Variants in PPP1R9A observed in about 807,000 individuals in gnomAD.
PPP1R9A encodes the protein neurabin-1.
In PPP1R9A, 59 loss-of-function variants were observed where a neutral mutation model predicts 141.9. The observed-to-expected ratio is 0.42, with a 90% CI of 0.34 to 0.52. The LOEUF (loss-of-function observed/expected upper bound fraction) is 0.52, where lower values mean the gene tolerates loss of function less well. PPP1R9A is among the 20% of genes least tolerant of loss of function. The pLI, the probability that PPP1R9A is intolerant of heterozygous loss-of-function variation, is 0.10. For missense variants in PPP1R9A, 1,444 were observed against 1,611.9 expected (o/e 0.90, Z 1.78); for synonymous variants, 500 against 569.7 (o/e 0.88, Z 1.74).
rs571531686 is a variant in PPP1R9A at position 95,257,686 on chromosome 7, GCCC to G, written c.2665+5558_2665+5560del. 2.6e-4 allele frequency among the ~76,000 whole-genome samples: 40 copies of G among 151,906 alleles called. No individual in the cohort carries two copies. In the East Asian group the frequency reaches 7.6e-3, roughly 29 times the overall value. ...CCCTGCTCCCCCCACCCCACAACAG[GCCC>G]CTATGTGTGATGTTCCCCTTCCTGT... is the stretch of plus-strand genomic sequence containing the variant. On this transcript the variant is annotated intron_variant, in intron 12 of 19. Transcript: ENST00000433360.
At chr7:95,249,392 T>C (rs1798568367) in intron 9 of PPP1R9A, among the ~76,000 whole-genome samples, 1 of 152,138 alleles carries the variant, frequency 6.6e-6, no homozygotes, top group South Asian at 2.1e-4. Flanking sequence ...GTGGTTAATG[T>C]TTATCAGATG....
At chr7:94,939,766 T>TTATATATATA (rs376392944) in intron 2 of PPP1R9A, among the ~76,000 whole-genome samples, 16 of 145,762 alleles carry the variant, frequency 1.1e-4, no homozygotes, top group African/African-American at 4.0e-4. Context: ...AGGGACAAGA[T>TTATATATATA]TATATATATA....
chr7:94,935,449 T>G (rs1794668111), intron 2 of PPP1R9A, among the ~76,000 whole-genome samples: 1 of 152,188 alleles, frequency 6.6e-6, no homozygotes, highest in African/African-American at 2.4e-5. Flanking sequence ...CCATGCCCCC[T>G]TCTTAGAAAA....
intron 5 of PPP1R9A, among the ~76,000 whole-genome samples, chr7:95,192,770 A>G (rs767042084): frequency 2.6e-5 from 4 of 152,080 alleles, no homozygotes; most frequent in Non-Finnish European, 5.9e-5. Context: ...CCTAAGTTGT[A>G]CTATCATAGC....
Position 95,295,965 on chromosome 7 carries a change from T to C in PPP1R9A, c.*5662T>C, listed in dbSNP as rs1003334622. The stretch of plus-strand genomic sequence containing the variant: ...CACCTTACTGACAAAACTGGGCAGC[T>C]GAAAATAAAAGAGAATAAATTCTAT... On this transcript the variant is annotated 3_prime_UTR_variant, in exon 20 of 20. Coordinates refer to ENST00000433360, the MANE Select transcript of PPP1R9A (RefSeq NM_001166160.2). 2.6e-5 allele frequency: 4 copies of C among 152,656 alleles called. No homozygotes were observed. The highest frequency in any genetic ancestry group is 4.4e-5 in the Non-Finnish European group (3 of 68,042). 9.5% of individuals were successfully genotyped at this position (152,656 alleles called of 1,614,324 possible). A position where few individuals can be genotyped will look rare whatever the true frequency, so the allele number is the denominator to read the frequency against.
At chr7:95,203,220 T>C (rs1789966778) in intron 6 of PPP1R9A, among the ~76,000 whole-genome samples, 3 of 152,012 alleles carry the variant, frequency 2.0e-5, no homozygotes, top group Non-Finnish European at 4.4e-5. Context: ...CCCTCATGGG[T>C]ATGGTTTTTT....
chr7:95,120,655 G>T, intron 3 of PPP1R9A, 57 bp from the exon 4 acceptor site: 1 of 1,575,186 alleles, frequency 6.3e-7, no homozygotes. Context: ...CCAGCTAATT[G>T]CAGACTAGTG....
At chr7:94,985,024 T>C (rs1327129044) in intron 2 of PPP1R9A, among the ~76,000 whole-genome samples, 1 of 152,206 alleles carries the variant, frequency 6.6e-6, no homozygotes, top group African/African-American at 2.4e-5. Context: ...GAAATTCTGG[T>C]ATGTTGTGTC....
At chr7:95,138,154 G>A (rs1251970032) in intron 4 of PPP1R9A, among the ~76,000 whole-genome samples, 2 of 151,898 alleles carry the variant, frequency 1.3e-5, no homozygotes, top group African/African-American at 2.4e-5. Flanking sequence ...GGATGGTCTC[G>A]ATCTCCTGAC....
chr7:95,285,249 T>C (rs1172918821), intron 17 of PPP1R9A, among the ~76,000 whole-genome samples: 1 of 152,208 alleles, frequency 6.6e-6, no homozygotes, highest in Non-Finnish European at 1.5e-5. Context: ...CCTAAGGAAA[T>C]GCAATAGAAA....
chr7:95,103,380 T>TTTTTTTTTTTTTTTTTTTTG (rs1819068733), intron 2 of PPP1R9A, among the ~76,000 whole-genome samples: 1 of 143,694 alleles, frequency 7.0e-6, no homozygotes. Flanking sequence ...TTTTTTTTTT[T>TTTTTTTTTTTTTTTTTTTTG]GAGACAGTCT....
intron 2 of PPP1R9A, among the ~76,000 whole-genome samples, chr7:95,074,323 G>A (rs766288778): frequency 6.6e-5 from 10 of 152,042 alleles, no homozygotes; most frequent in Admixed American, 1.3e-4. Flanking sequence ...ACAAGCCATC[G>A]TGTTATTTCC....
intron 2 of PPP1R9A, among the ~76,000 whole-genome samples, chr7:94,957,357 T>G (rs756889539): frequency 6.6e-6 from 1 of 152,088 alleles, no homozygotes; most frequent in Non-Finnish European, 1.5e-5. Flanking sequence ...TCAATCCTGT[T>G]AAGATTATTG....
intron 2 of PPP1R9A, among the ~76,000 whole-genome samples, chr7:94,945,353 G>T (rs1795783054): frequency 6.6e-6 from 1 of 152,064 alleles, no homozygotes; most frequent in South Asian, 2.1e-4. Flanking sequence ...TACAGCTAGG[G>T]TTAGGTTATC....
rs11289749 is a variant in PPP1R9A at position 95,051,843 on chromosome 7, ATT to A, written c.1396-59401_1396-59400del. Among the ~76,000 whole-genome samples, 404 of 137,472 alleles carry A rather than the reference ATT, an allele frequency of 2.9e-3. 4 individuals are homozygous for A. Among genetic ancestry groups the A allele is most frequent in the African/African-American group, 9.1e-3 (340 of 37,452 alleles). 90.2% of individuals were successfully genotyped at this position (137,472 alleles called of 152,430 possible). A position where few individuals can be genotyped will look rare whatever the true frequency, so the allele number is the denominator to read the frequency against. On this transcript the variant is annotated intron_variant, in intron 2 of 19. Transcript: ENST00000433360. Reference sequence around the variant, plus strand: ...GCATTAAAATTTTTTTTTTATTTTAATTTTTTTTTTTTTTTTGAGACAGAGTC... The same window carrying A: ...GCATTAAAATTTTTTTTTTATTTTAATTTTTTTTTTTTTTGAGACAGAGTC...
Position 95,226,082 on chromosome 7 carries a change from T to C in PPP1R9A, c.2078T>C (p.Leu693Pro). The C allele has an allele frequency of 6.2e-7, 1 of 1,613,476 alleles. No individual in the cohort carries two copies. Among genetic ancestry groups the C allele is most frequent in the Non-Finnish European group, 8.5e-7 (1 of 1,179,546 alleles). Residue 693 changes from leucine to proline, a missense_variant, in exon 8 of 20, where the codon CTG becomes CCG. Leu to Pro is a moderately conservative substitution (Grantham distance 98). This residue lies in a region of PPP1R9A where 488 missense variants were observed against 542.0 expected (regional missense o/e 0.90). Coordinates refer to ENST00000433360, the MANE Select transcript of PPP1R9A (RefSeq NM_001166160.2). ...ENEDMFSPSE[L>P]DTSKLSHKFK... ...GAGGACATGTTTTCCCCATCAGAACTGGACACAAGCAAGCTCAGTCACAAG... is the reference window on the plus strand; with the variant it reads ...GAGGACATGTTTTCCCCATCAGAACCGGACACAAGCAAGCTCAGTCACAAG...
At position 95,148,507 on chromosome 7, in the gene PPP1R9A, G is replaced by A. The variant is rs117629564; in HGVS notation, c.1650-13360G>A. Among the ~76,000 whole-genome samples the A allele has an allele frequency of 9.5e-3, 1,439 of 151,800 alleles. 12 individuals are homozygous for A. The highest frequency in any genetic ancestry group is 0.014 in the Non-Finnish European group (954 of 67,936). On this transcript the variant is annotated intron_variant, in intron 4 of 19. Coordinates refer to ENST00000433360, the MANE Select transcript of PPP1R9A (RefSeq NM_001166160.2). The stretch of plus-strand genomic sequence containing the variant: ...AATCTGTCAAAACTTTACAAGAATC[G>A]GCAATCTGAATAGGCCTATATCTAG...
At chr7:95,189,432 T>TC (rs1835137745) in intron 5 of PPP1R9A, among the ~76,000 whole-genome samples, 1 of 145,536 alleles carries the variant, frequency 6.9e-6, no homozygotes, top group Non-Finnish European at 1.5e-5. Flanking sequence ...GTTTGTTTAT[T>TC]CTTTTTTTTT....
intron 2 of PPP1R9A, among the ~76,000 whole-genome samples, chr7:95,025,172 T>A (rs1806636444): frequency 6.6e-6 from 1 of 152,052 alleles, no homozygotes; most frequent in South Asian, 2.1e-4. Context: ...GTTCAAGCAA[T>A]TCTCCTGCCT....
Sources: gnomAD v4.1 joint callset for allele counts (sites outside exome capture counted in the v4.1 genomes callset) on GRCh38, gnomAD v4.1.1 for gene constraint, gnomAD v4.1.1 regional missense constraint, MANE v1.5 for transcripts, NCBI Gene and HGNC (gene_info 2026-07-23, HGNC 2026-07-21) for gene names.